The following TFEC variants were observed in gnomAD, a reference collection of about 807,000 sequenced individuals.
The protein encoded by TFEC is transcription factor EC.
A neutral mutation model predicts 41.6 loss-of-function variants in TFEC; 31 were observed. The observed-to-expected ratio is 0.74, with a 90% confidence interval of 0.56 to 1.01. The LOEUF (loss-of-function observed/expected upper bound fraction) is 1.01. Ranked by LOEUF, TFEC falls within the 50% of genes least tolerant of loss-of-function variation. The pLI is 0.00. For missense variants in TFEC, 402 were observed against 404.1 expected, an observed-to-expected ratio of 0.99 and a Z score of 0.04; for synonymous variants, 143 against 140.6, an observed-to-expected ratio of 1.02 and a Z score of -0.12.
intron 1 of TFEC, among the ~76,000 whole-genome samples, chr7:116,152,271 T>C (rs539003142): frequency 1.2e-3 from 181 of 152,248 alleles, no homozygotes; most frequent in African/African-American, 4.1e-3. Flanking sequence ...CACAGAAGCA[T>C]GATCCTGATA....
chr7:116,131,604 T>C (rs578112330), intron 1 of TFEC, among the ~76,000 whole-genome samples: 1 of 152,218 alleles, frequency 6.6e-6, no homozygotes, highest in Non-Finnish European at 1.5e-5. Flanking sequence ...CAAAAATAAA[T>C]AAGAAAATAA....
intron 1 of TFEC, among the ~76,000 whole-genome samples, chr7:116,113,787 T>TA (rs1382571098): frequency 2.6e-5 from 4 of 152,038 alleles, no homozygotes. Flanking sequence ...AACATAAACT[T>TA]AATCTTTCCC....
chr7:115,959,469 T>C (rs2130458402), intron 3 of TFEC, among the ~76,000 whole-genome samples: 1 of 151,848 alleles, frequency 6.6e-6, no homozygotes, highest in East Asian at 1.9e-4. Context: ...CCTTTCCACA[T>C]ATACACTGCT....
intron 3 of TFEC, among the ~76,000 whole-genome samples, chr7:116,081,992 C>T (rs1174198660): frequency 6.6e-6 from 1 of 151,886 alleles, no homozygotes; most frequent in Admixed American, 6.6e-5. Context: ...CTTTCTTCTG[C>T]TCAGGAAGAA....
chr7:116,036,130 A>C (rs551795532), intron 3 of TFEC, among the ~76,000 whole-genome samples: 1 of 152,196 alleles, frequency 6.6e-6, no homozygotes, highest in African/African-American at 2.4e-5. Context: ...ATTTTGCCTC[A>C]TTTGTCTTCT....
At chr7:115,950,838 T>A in intron 6 of TFEC, 36 bp downstream of exon 6, 1 of 1,517,878 alleles carries the variant, frequency 6.6e-7, no homozygotes, top group Non-Finnish European at 9.0e-7. Context: ...GGTCTTTAAA[T>A]TATAACATTA....
chr7:116,030,947 A>G, upstream of TFEC: 5 of 458,830 alleles, frequency 1.1e-5, no homozygotes, highest in Non-Finnish European at 1.4e-5. Context: ...GAGCACTCCT[A>G]GAAAACTACT....
At chr7:115,985,898 A>G (rs1793832620) in intron 1 of TFEC, among the ~76,000 whole-genome samples, 1 of 152,190 alleles carries the variant, frequency 6.6e-6, no homozygotes, top group Admixed American at 6.5e-5. Flanking sequence ...TATGAAATAT[A>G]CATTATGAAG....
At chr7:116,061,052 G>T (rs1035403203) in intron 3 of TFEC, among the ~76,000 whole-genome samples, 9 of 152,064 alleles carry the variant, frequency 5.9e-5, no homozygotes, top group African/African-American at 2.2e-4. Context: ...TTCAAAACTT[G>T]ATCCATAAAT....
At position 115,945,063 on chromosome 7, in the gene TFEC, T is replaced by A. The variant is rs74592481; in HGVS notation, c.516-3023A>T. ...TTTATTTTTTAAAAACTGTTCTTAG[T>A]CATTTTAATGGTTGTAGTCACCTGT... On this transcript the variant is annotated intron_variant, in intron 6 of 7. Coordinates refer to ENST00000265440, the MANE Select transcript of TFEC (RefSeq NM_012252.4). Among the ~76,000 whole-genome samples, 885 of 150,742 alleles carry A rather than the reference T, an allele frequency of 5.9e-3. 29 individuals carry two copies. Among genetic ancestry groups the A allele is most frequent in the East Asian group, 0.049 (248 of 5,072 alleles).
chr7:116,010,400 T>C (rs1444758293), intron 1 of TFEC, among the ~76,000 whole-genome samples: 1 of 152,204 alleles, frequency 6.6e-6, no homozygotes, highest in Non-Finnish European at 1.5e-5. Context: ...GATTAAGGAA[T>C]GACACCTGAG....
At chr7:116,005,417 A>T (rs1794751256) in intron 1 of TFEC, among the ~76,000 whole-genome samples, 1 of 152,146 alleles carries the variant, frequency 6.6e-6, no homozygotes, top group East Asian at 1.9e-4. Flanking sequence ...CTTGTTGGGA[A>T]CTGGAGCAAA....
rs140217703 is a variant in TFEC at position 116,138,459 on chromosome 7, G to A, written c.-69+21331C>T. 9.2e-3 allele frequency among the ~76,000 whole-genome samples: 1,404 copies of A among 152,236 alleles called. 95 individuals carry two copies. Among genetic ancestry groups the A allele is most frequent in the Admixed American group, 0.088 (1,339 of 15,276 alleles). On this transcript the variant is annotated intron_variant, in intron 1 of 8. Coordinates refer to the TFEC transcript ENST00000484212. ...TGTTAGGGAGAATCTGCATCTTTTT[G>A]AAGTGAGGCCTGAGATAACTCGGTC... is the stretch of plus-strand genomic sequence containing the variant.
chr7:116,044,740 T>C (rs1289102799), intron 3 of TFEC, among the ~76,000 whole-genome samples: 1 of 152,234 alleles, frequency 6.6e-6, no homozygotes, highest in Non-Finnish European at 1.5e-5. Flanking sequence ...ACTGCAGGCA[T>C]CTGCCAGCTG....
Position 116,021,955 on chromosome 7 carries a change from T to TC in TFEC, c.-73+8677dup, listed in dbSNP as rs199866094. Among the ~76,000 whole-genome samples the TC allele has an allele frequency of 6.1e-3, 920 of 151,942 alleles. 10 individuals carry two copies. Among genetic ancestry groups the TC allele is most frequent in the African/African-American group, 0.013 (524 of 41,432 alleles). ...GAGCAACTAGTTTGACAATAAGGGC[T>TC]CCCCCCAGAGTTGGTCCTCAGATTC... On this transcript the variant is annotated intron_variant, in intron 1 of 7. Transcript: ENST00000265440.
chr7:116,051,096 A>T (rs1299023240), intron 3 of TFEC, among the ~76,000 whole-genome samples: 1 of 152,058 alleles, frequency 6.6e-6, no homozygotes, highest in Non-Finnish European at 1.5e-5. Context: ...GAATTGAACA[A>T]TGAGAACACT....
intron 1 of TFEC, among the ~76,000 whole-genome samples, chr7:115,991,243 A>T (rs1210452234): frequency 6.6e-6 from 1 of 152,238 alleles, no homozygotes; most frequent in Admixed American, 6.5e-5. Context: ...CATGGAAAGG[A>T]ACAACTAGTA....
At chr7:115,982,608 G>A (rs543622856) in intron 2 of TFEC, among the ~76,000 whole-genome samples, 2 of 152,176 alleles carry the variant, frequency 1.3e-5, no homozygotes, top group African/African-American at 2.4e-5. Context: ...AATGATGGTT[G>A]GGAGATACTT....
intron 3 of TFEC, among the ~76,000 whole-genome samples, chr7:116,061,754 T>C (rs1796561845): frequency 6.6e-6 from 1 of 152,088 alleles, no homozygotes; most frequent in African/African-American, 2.4e-5. Flanking sequence ...CTAAATTTAA[T>C]ACAAACAGCC....
Sources: allele counts gnomAD v4.1 joint callset (sites outside exome capture counted in the v4.1 genomes callset), GRCh38; gene constraint gnomAD v4.1.1; transcripts MANE v1.5; gene names NCBI Gene and HGNC (gene_info 2026-07-23, HGNC 2026-07-21).